The following OXNAD1 variants were observed in gnomAD, a reference collection of about 807,000 sequenced individuals.
OXNAD1 encodes oxidoreductase NAD-binding domain-containing protein 1.
In OXNAD1, 34 loss-of-function variants were observed where a neutral mutation model predicts 32.9. The observed-to-expected ratio is 1.03, with a 90% CI of 0.79 to 1.38. OXNAD1 has a LOEUF of 1.38. OXNAD1 is among the 40% of genes most tolerant of loss of function. OXNAD1 has a pLI of 0.00. For missense variants in OXNAD1, 407 were observed against 379.4 expected, an observed-to-expected ratio of 1.07 and a Z score of -0.60; for synonymous variants, 134 against 135.2, an observed-to-expected ratio of 0.99 and a Z score of 0.06.
At chr3:16,333,091 C>T (rs995458444) in intron 9 of OXNAD1, among the ~76,000 whole-genome samples, 3 of 152,186 alleles carry the variant, frequency 2.0e-5, no homozygotes, top group Admixed American at 1.3e-4. Context: ...GAACAAAGCT[C>T]ACTGGTATTT....
At chr3:16,325,208 C>T (rs897097243) in intron 9 of OXNAD1, among the ~76,000 whole-genome samples, 1 of 152,178 alleles carries the variant, frequency 6.6e-6, no homozygotes, top group Non-Finnish European at 1.5e-5. Context: ...CTCAATGCTC[C>T]ACGGAATCCA....
intron 2 of OXNAD1, among the ~76,000 whole-genome samples, chr3:16,270,388 T>C: frequency 6.6e-6 from 1 of 152,256 alleles, no homozygotes; most frequent in East Asian, 1.9e-4. Context: ...TATATCTTAC[T>C]GTGTGAATGT....
chr3:16,322,556 G>C lies in OXNAD1; in HGVS notation c.*31-14556G>C, dbSNP rs1284509669. Among the ~76,000 whole-genome samples the C allele has an allele frequency of 2.0e-5, 3 of 152,186 alleles. No individual in the cohort carries two copies. The highest frequency in any genetic ancestry group is 7.2e-5 in the African/African-American group (3 of 41,448). ...CCAGGTGATGCCTGACTCAGGCTTT[G>C]GTGTGTCCACTCGACTCACTGGCCT... On this transcript the variant is annotated intron_variant, in intron 9 of 9. Transcript: ENST00000435829. This position sits in a 1 kb window ranked among gnomAD's most constrained non-coding sequence, Gnocchi z 6.2.
chr3:16,325,435 T>A (rs2069595619), intron 9 of OXNAD1, among the ~76,000 whole-genome samples: 1 of 152,194 alleles, frequency 6.6e-6, no homozygotes, highest in South Asian at 2.1e-4. Flanking sequence ...TGGGCTTAGG[T>A]GGCTCAGAAC....
Position 16,335,714 on chromosome 3 carries a change from C to G in OXNAD1, c.*31-1398C>G, listed in dbSNP as rs553290603. 4.0e-5 allele frequency among the ~76,000 whole-genome samples: 6 copies of G among 150,560 alleles called. No individual in the cohort carries two copies. Among genetic ancestry groups the G allele is most frequent in the Admixed American group, 4.0e-4 (6 of 15,082 alleles). ...TGATAGCCTGATCTGAGCAGCAACA[C>G]ACATGGCACACGTTTACCTATGTAA... On this transcript the variant is annotated intron_variant, in intron 9 of 9. Transcript: ENST00000435829. This position sits in a 1 kb window ranked among gnomAD's most constrained non-coding sequence, Gnocchi z 4.7.
downstream of OXNAD1, among the ~76,000 whole-genome samples, chr3:16,340,491 T>C (rs2071248822): frequency 6.6e-6 from 1 of 152,242 alleles, no homozygotes; most frequent in African/African-American, 2.4e-5. Flanking sequence ...GCCCTATGGC[T>C]GAAAAATTGA....
At position 16,334,410 on chromosome 3, in the gene OXNAD1, G is replaced by A. The variant is rs2070651738; in HGVS notation, c.*31-2702G>A. Reference sequence around the variant, plus strand: ...CTTTGACCCAACAATCTCACTTCTGGGAATTTAACCTACGTATTAAAAAAT... The same window carrying A: ...CTTTGACCCAACAATCTCACTTCTGAGAATTTAACCTACGTATTAAAAAAT... On this transcript the variant is annotated intron_variant, in intron 9 of 9. Transcript: ENST00000435829. The surrounding 1 kb of genome is among the most constrained non-coding windows in gnomAD (Gnocchi z 4.3). Among the ~76,000 whole-genome samples, 1 of 152,080 alleles carries A rather than the reference G, an allele frequency of 6.6e-6. No individual in the cohort carries two copies. Among genetic ancestry groups the A allele is most frequent in the Non-Finnish European group, 1.5e-5 (1 of 68,028 alleles).
chr3:16,278,793 G>A (rs1374242599), intron 4 of OXNAD1, among the ~76,000 whole-genome samples: 1 of 152,222 alleles, frequency 6.6e-6, no homozygotes, highest in East Asian at 1.9e-4. Flanking sequence ...GTTAATAAAT[G>A]GCTGGGCCCC....
At position 16,265,735 on chromosome 3, in the gene OXNAD1, A is replaced by C; in HGVS notation, c.-159+230A>C. 2.8e-6 allele frequency: 1 copy of C among 361,370 alleles called. No homozygotes were observed. Among genetic ancestry groups the C allele is most frequent in the Non-Finnish European group, 3.8e-6 (1 of 259,824 alleles). The allele number at this position is 361,370 out of a possible 1,614,324, so 22.4% of individuals were successfully genotyped here. A position where few individuals can be genotyped will look rare whatever the true frequency, so the allele number is the denominator to read the frequency against. On this transcript the variant is annotated intron_variant, in intron 1 of 8. Coordinates refer to ENST00000285083, the MANE Select transcript of OXNAD1 (RefSeq NM_138381.5). The surrounding 1 kb of genome is among the most constrained non-coding windows in gnomAD (Gnocchi z 4.8). Reference sequence around the variant, plus strand: ...GGAATTGTCAACTCTAGGAGTTTACATGTTATTCCATTTTATTAATCTTTA... The same window carrying C: ...GGAATTGTCAACTCTAGGAGTTTACCTGTTATTCCATTTTATTAATCTTTA...
chr3:16,309,143 C>G (rs1348693339), downstream of OXNAD1, among the ~76,000 whole-genome samples: 1 of 152,074 alleles, frequency 6.6e-6, no homozygotes, highest in Non-Finnish European at 1.5e-5. Flanking sequence ...GTCTCTCTTT[C>G]TTTTAATACA....
In OXNAD1 at chr3:16,316,730, TA is replaced by T; in HGVS notation, c.*30+13140del. 1 of 1,447,908 alleles carries T rather than the reference TA, an allele frequency of 6.9e-7. No individual in the cohort carries two copies. The highest frequency in any genetic ancestry group is 9.6e-7 in the Non-Finnish European group (1 of 1,036,586). 89.7% of individuals were successfully genotyped at this position (1,447,908 alleles called of 1,614,324 possible). On this transcript the variant is annotated intron_variant, in intron 9 of 9. Transcript: ENST00000435829. The surrounding 1 kb of genome is among the most constrained non-coding windows in gnomAD (Gnocchi z 4.5). ...AGGTCAAGCCAAGCCAAAGGGTAGG[TA>T]ACACACAACACCAGGGAAACCAGCC... is the stretch of plus-strand genomic sequence containing the variant.
downstream of OXNAD1, among the ~76,000 whole-genome samples, chr3:16,306,878 G>A (rs2067598864): frequency 6.6e-6 from 1 of 150,558 alleles, no homozygotes; most frequent in Non-Finnish European, 1.5e-5. Flanking sequence ...ATGGATCAGT[G>A]GTTTCAGCAT....
At position 16,303,732 on chromosome 3, in the gene OXNAD1, A is replaced by G. The variant is rs2067348929; in HGVS notation, c.*170A>G. The stretch of plus-strand genomic sequence containing the variant: ...AAGCCAGCTGGCAGACTTAAATGAT[A>G]AACTTTTTGCAAAGACCTCAGTGAT... On this transcript the variant is annotated 3_prime_UTR_variant, in exon 9 of 9. Coordinates refer to ENST00000285083, the MANE Select transcript of OXNAD1 (RefSeq NM_138381.5). This position sits in a 1 kb window ranked among gnomAD's most constrained non-coding sequence, Gnocchi z 4.8. 1.5e-6 allele frequency: 1 copy of G among 678,850 alleles called. No homozygotes were observed. The highest frequency in any genetic ancestry group is 3.6e-5 in the Admixed American group (1 of 28,050). 42.1% of individuals were successfully genotyped at this position (678,850 alleles called of 1,614,324 possible). A position where few individuals can be genotyped will look rare whatever the true frequency, so the allele number is the denominator to read the frequency against.
intron 9 of OXNAD1, among the ~76,000 whole-genome samples, chr3:16,331,197 A>G (rs1249896211): frequency 6.6e-6 from 1 of 152,222 alleles, no homozygotes; most frequent in Non-Finnish European, 1.5e-5. Flanking sequence ...AGAGTCCTGC[A>G]AAAACTACTT....
In OXNAD1 at chr3:16,301,197, C is replaced by T. The variant is rs930785966; in HGVS notation, c.433-429C>T. 2.0e-5 allele frequency among the ~76,000 whole-genome samples: 3 copies of T among 152,172 alleles called. No individual in the cohort carries two copies. Among genetic ancestry groups the T allele is most frequent in the Admixed American group, 1.3e-4 (2 of 15,280 alleles). ...CTTACACTTTTCAGCCTTGATGAAC[C>T]CAGGGCAGGCAGTCTAGTGACATTT... On this transcript the variant is annotated intron_variant, in intron 6 of 8. Coordinates refer to ENST00000285083, the MANE Select transcript of OXNAD1 (RefSeq NM_138381.5). This position sits in a 1 kb window ranked among gnomAD's most constrained non-coding sequence, Gnocchi z 4.1.
chr3:16,347,289 T>C (rs1395899902), intron 9 of OXNAD1, among the ~76,000 whole-genome samples: 4 of 152,248 alleles, frequency 2.6e-5, no homozygotes, highest in Non-Finnish European at 5.9e-5. Flanking sequence ...ATGCATGTTA[T>C]ATCCATTTTC....
At chr3:16,272,318 CT>C in intron 4 of OXNAD1, 1 of 265,274 alleles carries the variant, frequency 3.8e-6, no homozygotes, top group South Asian at 3.4e-5. Context: ...CACCCTTTAC[CT>C]CAGTGAGTAA....
In OXNAD1 at chr3:16,288,965, TA is replaced by T. The variant is rs1202678969; in HGVS notation, c.290+2518del. On this transcript the variant is annotated intron_variant, in intron 5 of 8. Coordinates refer to ENST00000285083, the MANE Select transcript of OXNAD1 (RefSeq NM_138381.5). The surrounding 1 kb of genome is among the most constrained non-coding windows in gnomAD (Gnocchi z 5.1). ...CTGTGGGTAGCAGTGTATTGTCGCC[TA>T]GTGCCCTGGAGACTGCTCAGCTCAC... 3.3e-5 allele frequency among the ~76,000 whole-genome samples: 5 copies of T among 152,210 alleles called. No individual in the cohort carries two copies. The highest frequency in any genetic ancestry group is 1.2e-4 in the African/African-American group (5 of 41,436).
At chr3:16,283,145 C>T (rs1381479249) in intron 4 of OXNAD1, among the ~76,000 whole-genome samples, 4 of 152,030 alleles carry the variant, frequency 2.6e-5, no homozygotes, top group African/African-American at 9.7e-5. Flanking sequence ...GTGTTGAGTC[C>T]AAGATGCATC....
Sources: allele counts gnomAD v4.1 joint callset (sites outside exome capture counted in the v4.1 genomes callset), GRCh38; gene constraint gnomAD v4.1.1; non-coding constraint Gnocchi (gnomAD v3.1); transcripts MANE v1.5; gene names NCBI Gene and HGNC (gene_info 2026-07-23, HGNC 2026-07-21).